FAT1: variants seen among roughly 807,000 people sequenced by gnomAD.
The protein encoded by FAT1 is protocadherin Fat 1.
Under a neutral mutation model 329.8 loss-of-function variants are expected in FAT1, and 171 were observed. That is an observed-to-expected ratio of 0.52 (90% CI 0.46 to 0.59). The LOEUF (loss-of-function observed/expected upper bound fraction) is 0.59. Among genes scored for constraint, FAT1 ranks in the 20% least tolerant of loss-of-function variants. The pLI is 0.00. For missense variants in FAT1, 5,672 were observed against 5,774.4 expected, an observed-to-expected ratio of 0.98 and a Z score of 0.57; for synonymous variants, 2,233 against 2,228.6, an observed-to-expected ratio of 1.00 and a Z score of -0.06.
chr4:186,611,850 G>A (rs2126470990), intron 13 of FAT1, 75 bp from the exon 14 acceptor site: 1 of 1,124,266 alleles, frequency 8.9e-7, no homozygotes, highest in East Asian at 2.6e-5. Flanking sequence ...TTGAGATGGA[G>A]TCTCCCTCTG....
At chr4:186,671,557 G>C (rs1292409563) in intron 2 of FAT1, among the ~76,000 whole-genome samples, 3 of 151,958 alleles carry the variant, frequency 2.0e-5, no homozygotes, top group African/African-American at 7.2e-5. Context: ...AAATGAGCTG[G>C]GCGTGGTGGC....
chr4:186,724,177 C>T (rs1339713410), upstream of FAT1, among the ~76,000 whole-genome samples: 1 of 90,160 alleles, frequency 1.1e-5, no homozygotes, highest in African/African-American at 7.1e-5. The surrounding 1 kb of genome is among the most constrained non-coding windows in gnomAD (Gnocchi z 5.3). Context: ...GAAACGTTAG[C>T]TTAGCTAAAA....
chr4:186,651,136 AATTT>A (rs1221406891), intron 3 of FAT1, among the ~76,000 whole-genome samples: 34 of 126,940 alleles, frequency 2.7e-4, no homozygotes, highest in African/African-American at 5.0e-4. Flanking sequence ...ATAATTACTA[AATTT>A]ATTTATTAAT....
chr4:186,662,610 A>T (rs183601144), intron 3 of FAT1, among the ~76,000 whole-genome samples: 1 of 152,298 alleles, frequency 6.6e-6, no homozygotes, highest in East Asian at 1.9e-4. Flanking sequence ...AAACTAGCCA[A>T]CTGTGAAATA....
At chr4:186,721,246 A>C (rs1745457045) in intron 1 of FAT1, among the ~76,000 whole-genome samples, 1 of 151,432 alleles carries the variant, frequency 6.6e-6, no homozygotes, top group Non-Finnish European at 1.5e-5. Context: ...TTACAGTAAA[A>C]GATGACTTAA....
chr4:186,669,214 A>G (rs1332051498), intron 2 of FAT1, among the ~76,000 whole-genome samples: 1 of 152,146 alleles, frequency 6.6e-6, no homozygotes, highest in Non-Finnish European at 1.5e-5. Flanking sequence ...CCAGGCTGTG[A>G]GGAGGGAGGG....
At chr4:186,677,426 G>A (rs1447265093) in intron 2 of FAT1, among the ~76,000 whole-genome samples, 3 of 151,140 alleles carry the variant, frequency 2.0e-5, no homozygotes, top group Non-Finnish European at 1.5e-5. Flanking sequence ...AAGAATCTTC[G>A]TTAAGGCAAA....
chr4:186,624,172 C>A (rs1459992566), intron 9 of FAT1, among the ~76,000 whole-genome samples: 2 of 132,548 alleles, frequency 1.5e-5, no homozygotes, highest in African/African-American at 5.5e-5. Context: ...CTGTACGAGG[C>A]TGGGGGCTTA....
At chr4:186,653,805 A>C (rs1741778799) in intron 3 of FAT1, among the ~76,000 whole-genome samples, 1 of 152,154 alleles carries the variant, frequency 6.6e-6, no homozygotes, top group South Asian at 2.1e-4. Flanking sequence ...GACACGGCTG[A>C]GTGGTGTGAC....
intron 1 of FAT1, among the ~76,000 whole-genome samples, chr4:186,714,097 C>T (rs1479671573): frequency 6.6e-6 from 1 of 152,254 alleles, no homozygotes; most frequent in East Asian, 1.9e-4. Flanking sequence ...GATTCTGAAC[C>T]GAGGAGTGCC....
intron 3 of FAT1, among the ~76,000 whole-genome samples, chr4:186,643,444 T>A (rs1022477003): frequency 2.6e-5 from 4 of 152,174 alleles, no homozygotes; most frequent in African/African-American, 9.7e-5. Context: ...CCGTAGTGCT[T>A]TTCCCTAATG....
In FAT1 at chr4:186,620,285, G is replaced by A. The variant is rs1246955615; in HGVS notation, c.6301C>T (p.Arg2101Cys). 10 of 1,613,962 alleles carry A rather than the reference G, an allele frequency of 6.2e-6. No homozygotes were observed. The highest frequency in any genetic ancestry group is 2.2e-5 in the East Asian group (1 of 44,876). Residue 2101 changes from arginine to cysteine, a missense_variant, in exon 10 of 27, where the codon CGC (arginine) becomes TGC (cysteine). Arg to Cys is a radical substitution (Grantham distance 180). This residue lies in a region of FAT1 where 3,966 missense variants were observed against 3,915.2 expected (regional missense o/e 1.01). Transcript: ENST00000441802. ...TCTCTGTCTACAGCAGTGACATAGC[G>A]AATGACATGGCCCACCTCAGTGTCC... ...KVDTEVGHVI[R>C]YVTAVDRDSG...
intron 26 of FAT1, among the ~76,000 whole-genome samples, chr4:186,595,305 G>T (rs1413994095): frequency 1.3e-5 from 2 of 151,938 alleles, no homozygotes; most frequent in Non-Finnish European, 2.9e-5. Context: ...GGGTGTGTGT[G>T]TGTGTGTGTG....
chr4:186,679,482 C>T (rs1418382480), intron 2 of FAT1, among the ~76,000 whole-genome samples: 1 of 148,732 alleles, frequency 6.7e-6, no homozygotes, highest in Admixed American at 6.7e-5. Context: ...GTGTCAGAAG[C>T]ATGTTCTGAG....
rs1269171020 is a variant in FAT1, at chr4:186,621,261, A to G, written c.5325T>C (p.Ser1775=). 6.2e-7 allele frequency: 1 copy of G among 1,613,950 alleles called. No homozygotes were observed. The highest frequency in any genetic ancestry group is 1.3e-5 in the African/African-American group (1 of 74,948). Residue 1775 remains serine, a synonymous_variant, in exon 10 of 27, where the codon AGT becomes AGC. Transcript: ENST00000441802. ...CCACGCTGTTAATTGAGGCTGATTC[A>G]CTAATGAGTCCTGTATATTCTGCCT... ...FMQAEYTGLI[S]ESASINSVVL... is the part of the protein sequence containing the mutation.
At position 186,619,033 on chromosome 4, in the gene FAT1, T is replaced by A; in HGVS notation, c.7553A>T (p.Asp2518Val). 6.2e-7 allele frequency: 1 copy of A among 1,614,016 alleles called. No individual in the cohort carries two copies. ...HTLVMEVKTT[D>V]GDSGIYGHVT... The stretch of plus-strand genomic sequence containing the variant: ...GTGACCATAAATACCAGAATCCCCA[T>A]CCGTAGTTTTCACCTCCATCACCAG... Residue 2518 changes from aspartate to valine, a missense_variant, in exon 10 of 27, where the codon GAT becomes GTT. Physicochemically the swap from Asp to Val is radical, Grantham distance 152. Transcript: ENST00000441802.
chr4:186,702,881 G>T (rs1239103716), intron 2 of FAT1, among the ~76,000 whole-genome samples: 1 of 152,190 alleles, frequency 6.6e-6, no homozygotes, highest in East Asian at 1.9e-4. Flanking sequence ...CTGAATGTGG[G>T]ATTACACATG....
rs763822216 is a variant in FAT1, at chr4:186,604,551, G to A, written c.10374C>T (p.Ser3458=). Residue 3458 remains serine (S), a synonymous_variant, in exon 18 of 27, where the codon AGC becomes AGT. Coordinates refer to ENST00000441802, the MANE Select transcript of FAT1 (RefSeq NM_005245.4). ...CATCTGTTACTACCAGCTGCAGCAC[G>A]CTGAAGCCCACTGGCTTATTTTCCT... ...IIQENKPVGF[S]VLQLVVTDED... The A allele has an allele frequency of 1.9e-6, 3 of 1,609,236 alleles. No individual in the cohort carries two copies. The highest frequency in any genetic ancestry group is 1.7e-4 in the Middle Eastern group (1 of 6,042).
chr4:186,689,520 C>A (rs1743644111), intron 2 of FAT1, among the ~76,000 whole-genome samples: 1 of 152,110 alleles, frequency 6.6e-6, no homozygotes, highest in Non-Finnish European at 1.5e-5. Context: ...GAGAGAGAGT[C>A]CAAGTCAAAA....
Sources: gnomAD v4.1 joint callset for allele counts (sites outside exome capture counted in the v4.1 genomes callset) on GRCh38, gnomAD v4.1.1 for gene constraint, gnomAD v4.1.1 regional missense constraint, Gnocchi (gnomAD v3.1) non-coding constraint, MANE v1.5 for transcripts, NCBI Gene and HGNC (gene_info 2026-07-23, HGNC 2026-07-21) for gene names.